Variants in CHRNB1 observed in about 807,000 individuals in gnomAD.
CHRNB1 encodes the protein acetylcholine receptor subunit beta.
CHRNB1 carries 47 observed loss-of-function variants against 53.8 expected under a neutral mutation model. The ratio of observed to expected loss-of-function variants is 0.87; its 90% CI spans 0.69 to 1.11. CHRNB1 has a LOEUF of 1.11. Ranked by LOEUF, CHRNB1 falls within the 50% of genes most tolerant of loss-of-function variation. The probability of loss-of-function intolerance (pLI) is 0.00; values close to 1 mark genes in which losing one functional copy is unlikely to be tolerated. For missense variants in CHRNB1, 605 were observed against 654.9 expected, an observed-to-expected ratio of 0.92 and a Z score of 0.83; for synonymous variants, 259 against 263.5, an observed-to-expected ratio of 0.98 and a Z score of 0.16.
Position 7,455,313 on chromosome 17 carries a change from G to A in CHRNB1, c.1074G>A (p.Leu358=). The change falls in exon 9 of 11, where the codon CTG becomes CTA. Residue 358 remains leucine, a synonymous_variant. Transcript: ENST00000306071. The stretch of plus-strand genomic sequence containing the variant: ...TCATTCACAAACTTCCGCTGTACCT[G>A]CGTCTAAAAAGGCCCAAACCCGAGA... ...QIFIHKLPLY[L]RLKRPKPERD... 6.2e-7 allele frequency: 1 copy of A among 1,614,088 alleles called. No homozygotes were observed. The highest frequency in any genetic ancestry group is 8.5e-7 in the Non-Finnish European group (1 of 1,180,008).
rs2150838687 is a variant in CHRNB1 at position 7,447,573 on chromosome 17, A to T, written c.533A>T (p.Glu178Val). 6.2e-7 allele frequency: 1 copy of T among 1,614,182 alleles called. No individual in the cohort carries two copies. The highest frequency in any genetic ancestry group is 8.5e-7 in the Non-Finnish European group (1 of 1,180,028). The part of the protein sequence containing the change: ...VFSSYSYDSS[E>V]VSLQTGLGPD... ...AGCTCCTACAGCTACGACAGCTCGGAGGTCAGCCTGCAGACAGGCCTGGGT... is the reference window on the plus strand; with the variant it reads ...AGCTCCTACAGCTACGACAGCTCGGTGGTCAGCCTGCAGACAGGCCTGGGT... Residue 178 changes from glutamate to valine, a missense_variant, in exon 6 of 11, where the codon GAG (glutamate) becomes GTG (valine). Glu to Val is a moderately radical substitution (Grantham distance 121). Coordinates refer to ENST00000306071, the MANE Select transcript of CHRNB1 (RefSeq NM_000747.3).
chr17:7,448,486 C>G (rs893104584), intron 6 of CHRNB1, 93 bp from the exon 7 acceptor site: 1 of 1,214,532 alleles, frequency 8.2e-7, no homozygotes, highest in Non-Finnish European at 1.2e-6. Flanking sequence ...CAAGTCAGCC[C>G]TCTCAGGTCT....
At chr17:7,450,044 T>A (rs1171833664) in intron 7 of CHRNB1, among the ~76,000 whole-genome samples, 3 of 91,446 alleles carry the variant, frequency 3.3e-5, no homozygotes, top group East Asian at 3.1e-4. Context: ...TCTCAAAAAA[T>A]AAATAAATAA....
At chr17:7,454,794 CTTTTTT>C (rs1171593191) in intron 8 of CHRNB1, among the ~76,000 whole-genome samples, 4 of 65,538 alleles carry the variant, frequency 6.1e-5, no homozygotes, top group African/African-American at 2.2e-4. Flanking sequence ...CACTAAATAG[CTTTTTT>C]TTTTTTTTTT....
chr17:7,445,119 C>T lies in CHRNB1; in HGVS notation c.-9C>T. 1 of 1,607,016 alleles carries T rather than the reference C, an allele frequency of 6.2e-7. No individual in the cohort carries two copies. On this transcript the variant is annotated 5_prime_UTR_variant, in exon 1 of 11. Coordinates refer to ENST00000306071, the MANE Select transcript of CHRNB1 (RefSeq NM_000747.3). The surrounding 1 kb of genome is among the most constrained non-coding windows in gnomAD (Gnocchi z 5.7). ...CTCTGAGCGAAGTCACTGAGCGAGCCGCCAGGCTATGACCCCAGGGGCTCT... is the reference window on the plus strand; with the variant it reads ...CTCTGAGCGAAGTCACTGAGCGAGCTGCCAGGCTATGACCCCAGGGGCTCT...
intron 7 of CHRNB1, among the ~76,000 whole-genome samples, chr17:7,452,817 G>A (rs1908936903): frequency 6.6e-6 from 1 of 152,212 alleles, no homozygotes; most frequent in South Asian, 2.1e-4. Flanking sequence ...AAGGTCAGGA[G>A]TTCAAGACCA....
chr17:7,451,358 C>G (rs902995928), intron 7 of CHRNB1, among the ~76,000 whole-genome samples: 6 of 145,632 alleles, frequency 4.1e-5, no homozygotes, highest in Admixed American at 1.4e-4. Context: ...CTCACTGCAA[C>G]CTCCACCTCC....
rs1908763989 is a variant in CHRNB1, at chr17:7,448,674, A to C, written c.706A>C (p.Ile236Leu). ...GAGGGAAGGACAGCGCCAGGAAGTC[A>C]TCTTCTACCTCATCATCCGCCGCAA... Reference protein sequence around the residue: ...GGREGQRQEVIFYLIIRRKPL... With the variant: ...GGREGQRQEVLFYLIIRRKPL... Residue 236 changes from isoleucine (I) to leucine (L), a missense_variant, in exon 7 of 11, where the codon ATC becomes CTC. Transcript: ENST00000306071. 1 of 1,614,014 alleles carries C rather than the reference A, an allele frequency of 6.2e-7. No individual in the cohort carries two copies. The highest frequency in any genetic ancestry group is 1.7e-5 in the Admixed American group (1 of 59,990).
intron 3 of CHRNB1, 85 bp from the exon 4 acceptor site, chr17:7,446,748 C>A: frequency 9.4e-7 from 1 of 1,064,878 alleles, no homozygotes; most frequent in Non-Finnish European, 1.4e-6. Context: ...CCCTTCCTTG[C>A]ACTCCCTTCC....
At chr17:7,448,444 C>A in intron 6 of CHRNB1, 135 bp from the exon 7 acceptor site, 1 of 747,188 alleles carries the variant, frequency 1.3e-6, no homozygotes, top group Non-Finnish European at 2.4e-6. Context: ...TAGAGATGGG[C>A]TACTCAGCCC....
rs761717412 is a variant in CHRNB1, at chr17:7,445,293, G to A, written c.82G>A (p.Gly28Ser). 16 of 1,612,622 alleles carry A rather than the reference G, an allele frequency of 9.9e-6. No homozygotes were observed. In the Admixed American group the frequency reaches 1.7e-4, roughly 17 times the overall value. ...APGVRGSEAEGRLREKLFSGY... is the reference protein window; with the variant it reads ...APGVRGSEAESRLREKLFSGY... ...AGGCGTCCGCGGCTCGGAGGCGGAGGGTCGACTCCGGGAGAAACTTTTCTC... is the reference window on the plus strand; with the variant it reads ...AGGCGTCCGCGGCTCGGAGGCGGAGAGTCGACTCCGGGAGAAACTTTTCTC... The change falls in exon 2 of 11, where the codon GGT (glycine) becomes AGT (serine). Residue 28 changes from glycine (G) to serine (S), a missense_variant. Coordinates refer to ENST00000306071, the MANE Select transcript of CHRNB1 (RefSeq NM_000747.3). This position sits in a 1 kb window ranked among gnomAD's most constrained non-coding sequence, Gnocchi z 5.7.
At position 7,445,301 on chromosome 17, in the gene CHRNB1, C is replaced by G; in HGVS notation, c.90C>G (p.Leu30=). Reference sequence around the variant, plus strand: ...GCGGCTCGGAGGCGGAGGGTCGACTCCGGGAGAAACTTTTCTCTGGCTATG... The same window carrying G: ...GCGGCTCGGAGGCGGAGGGTCGACTGCGGGAGAAACTTTTCTCTGGCTATG... The part of the protein sequence containing the change: ...GVRGSEAEGR[L]REKLFSGYDS... The change falls in exon 2 of 11, where the codon CTC becomes CTG. Residue 30 remains leucine (L), a synonymous_variant. Transcript: ENST00000306071. This position sits in a 1 kb window ranked among gnomAD's most constrained non-coding sequence, Gnocchi z 5.7. 2 of 1,612,882 alleles carry G rather than the reference C, an allele frequency of 1.2e-6. No individual in the cohort carries two copies.
At chr17:7,449,643 C>G (rs1391772248) in intron 7 of CHRNB1, among the ~76,000 whole-genome samples, 1 of 151,976 alleles carries the variant, frequency 6.6e-6, no homozygotes, top group Non-Finnish European at 1.5e-5. Context: ...CTCCTGAACT[C>G]AAGCGATCTG....
chr17:7,448,575 C>T lies in CHRNB1; in HGVS notation c.611-4C>T, dbSNP rs1030890930. The T allele has an allele frequency of 2.5e-6, 4 of 1,613,904 alleles. No homozygotes were observed. In the African/African-American group the frequency reaches 5.3e-5, roughly 22 times the overall value. ...TGTGTTCCCCTCCTTCTGCTCATCCCCAGAGAATGGCCAGTGGGAGATTAT... is the reference window on the plus strand; with the variant it reads ...TGTGTTCCCCTCCTTCTGCTCATCCTCAGAGAATGGCCAGTGGGAGATTAT... On this transcript the variant is annotated splice_region_variant and splice_polypyrimidine_tract_variant and intron_variant, in intron 6 of 10. Coordinates refer to ENST00000306071, the MANE Select transcript of CHRNB1 (RefSeq NM_000747.3).
Position 7,456,987 on chromosome 17 carries a change from C to T in CHRNB1, c.*264C>T. ...CCTAGGTCGCCAGTGAAATAGAACA[C>T]AGAACAGGAACTAGATTATAAGCCT... On this transcript the variant is annotated 3_prime_UTR_variant, in exon 11 of 11. Transcript: ENST00000306071. 1 of 509,074 alleles carries T rather than the reference C, an allele frequency of 2.0e-6. No homozygotes were observed. Among genetic ancestry groups the T allele is most frequent in the Non-Finnish European group, 3.6e-6 (1 of 280,614 alleles). 31.5% of individuals were successfully genotyped at this position (509,074 alleles called of 1,614,324 possible). A position where few individuals can be genotyped will look rare whatever the true frequency, so the allele number is the denominator to read the frequency against.
chr17:7,456,377 T>G (rs1413332007), intron 10 of CHRNB1, among the ~76,000 whole-genome samples: 1 of 152,040 alleles, frequency 6.6e-6, no homozygotes, highest in Non-Finnish European at 1.5e-5. Context: ...TGATTGGACC[T>G]CTCCCTCATT....
At chr17:7,454,584 T>C (rs1909006005) in intron 8 of CHRNB1, 64 bp downstream of exon 8, 1 of 1,330,256 alleles carries the variant, frequency 7.5e-7, no homozygotes, top group Admixed American at 1.7e-5. Context: ...GAACTATAGC[T>C]ATGTGGCAGA....
chr17:7,448,801 G>A lies in CHRNB1; in HGVS notation c.820+13G>A. On this transcript the variant is annotated intron_variant, in intron 7 of 10. Transcript: ENST00000306071. ...CCACCAGATGCAGGTAATGGGGGAAGGGGCTCCTTACTCTTTTGTCATTGG... is the reference window on the plus strand; with the variant it reads ...CCACCAGATGCAGGTAATGGGGGAAAGGGCTCCTTACTCTTTTGTCATTGG... 6.2e-6 allele frequency: 10 copies of A among 1,612,746 alleles called. No homozygotes were observed. The highest frequency in any genetic ancestry group is 8.5e-6 in the Non-Finnish European group (10 of 1,178,730).
At chr17:7,454,591 C>T (rs759680486) in intron 8 of CHRNB1, 71 bp downstream of exon 8, 69 of 1,268,396 alleles carry the variant, frequency 5.4e-5, no homozygotes, top group Non-Finnish European at 7.8e-5. Context: ...AGCTATGTGG[C>T]AGAGTGTTGA....
Sources: allele counts gnomAD v4.1 joint callset (sites outside exome capture counted in the v4.1 genomes callset), GRCh38; gene constraint gnomAD v4.1.1; non-coding constraint Gnocchi (gnomAD v3.1); transcripts MANE v1.5; gene names NCBI Gene and HGNC (gene_info 2026-07-23, HGNC 2026-07-21).